The following TEX9 variants were observed in gnomAD, a reference collection of about 807,000 sequenced individuals.
The protein encoded by TEX9 is testis expressed 9, also known as testis-expressed protein 9.
In TEX9, 74 loss-of-function variants were observed where a neutral mutation model predicts 59.6. The ratio of observed to expected loss-of-function variants is 1.24; its 90% CI spans 1.03 to 1.51. The LOEUF (loss-of-function observed/expected upper bound fraction) is 1.51. Ranked by LOEUF, TEX9 falls within the 40% of genes most tolerant of loss-of-function variation. The pLI is 0.00. For missense variants in TEX9, 522 were observed against 447.8 expected, an observed-to-expected ratio of 1.17 and a Z score of -1.49; for synonymous variants, 186 against 152.2, an observed-to-expected ratio of 1.22 and a Z score of -1.64.
At chr15:56,447,588 C>T (rs2050916357), downstream of TEX9, 2 of 152,060 alleles carry the variant, frequency 1.3e-5, no homozygotes, top group African/African-American at 4.8e-5. Flanking sequence ...TACAGAAATA[C>T]AATTAATGTT....
intron 1 of TEX9, among the ~76,000 whole-genome samples, chr15:56,332,198 T>C (rs1317900416): frequency 7.0e-6 from 1 of 142,590 alleles, no homozygotes; most frequent in Non-Finnish European, 1.5e-5. Context: ...TTATTCACAA[T>C]AGCAAAGACT....
At chr15:56,443,810 T>C (rs1483011417) in intron 12 of TEX9, 3 of 1,608,868 alleles carry the variant, frequency 1.9e-6, no homozygotes, top group African/African-American at 1.3e-5. Context: ...CTCTTCTATA[T>C]ACCTTCGCAT....
At chr15:56,369,496 A>T (rs2047094709) in intron 2 of TEX9, among the ~76,000 whole-genome samples, 1 of 151,840 alleles carries the variant, frequency 6.6e-6, no homozygotes, top group Non-Finnish European at 1.5e-5. Context: ...TGCCTGGCTA[A>T]TTTTTGTATT....
chr15:56,443,733 T>C (rs2050858619), intron 12 of TEX9: 1 of 1,613,250 alleles, frequency 6.2e-7, no homozygotes, highest in African/African-American at 1.3e-5. Flanking sequence ...AACTCTATGA[T>C]TTTTCTGTTT....
chr15:56,355,552 C>T (rs1365553970), intron 1 of TEX9, among the ~76,000 whole-genome samples: 2 of 152,110 alleles, frequency 1.3e-5, no homozygotes, highest in Non-Finnish European at 2.9e-5. Context: ...AATTCTTCAA[C>T]ATTGCTATTC....
chr15:56,254,847 A>T (rs1312565468), intron 1 of TEX9, among the ~76,000 whole-genome samples: 2 of 151,564 alleles, frequency 1.3e-5, no homozygotes, highest in Non-Finnish European at 2.9e-5. Flanking sequence ...AAGATATTAC[A>T]TCCATGAAAA....
chr15:56,329,210 C>T (rs577165614), intron 1 of TEX9, among the ~76,000 whole-genome samples: 1 of 152,260 alleles, frequency 6.6e-6, no homozygotes, highest in Admixed American at 6.5e-5. Flanking sequence ...TCTAGAAGAA[C>T]CACAACATTA....
At chr15:56,248,695 T>G (rs1445341068) in intron 1 of TEX9, 2 of 152,252 alleles carry the variant, frequency 1.3e-5, no homozygotes, top group Admixed American at 6.5e-5. Context: ...AGTGTTTACT[T>G]TAACTTGGGC....
intron 1 of TEX9, among the ~76,000 whole-genome samples, chr15:56,338,642 C>T (rs1409083964): frequency 6.6e-6 from 1 of 152,140 alleles, no homozygotes; most frequent in Admixed American, 6.5e-5. Context: ...GTTGGCTGGG[C>T]GCGGTAGCTC....
At chr15:56,455,259 A>C in the TEX9 span, among the ~76,000 whole-genome samples, 6 of 151,404 alleles carry the variant, frequency 4.0e-5, no homozygotes, top group East Asian at 1.9e-4. Flanking sequence ...AAAAAAAAAA[A>C]AAAAAAAAAA....
intron 9 of TEX9, among the ~76,000 whole-genome samples, chr15:56,401,874 A>C: frequency 6.6e-6 from 1 of 152,230 alleles, no homozygotes; most frequent in Non-Finnish European, 1.5e-5. Context: ...CCTGCTCCTG[A>C]ATGACTACTG....
chr15:56,286,957 A>G (rs1294123253), intron 1 of TEX9, among the ~76,000 whole-genome samples: 1 of 152,098 alleles, frequency 6.6e-6, no homozygotes, highest in Non-Finnish European at 1.5e-5. Flanking sequence ...TCCCCTTCCT[A>G]TAGTCAGGGG....
intron 10 of TEX9, among the ~76,000 whole-genome samples, chr15:56,423,181 T>G (rs1431601251): frequency 6.6e-6 from 1 of 152,204 alleles, no homozygotes; most frequent in Non-Finnish European, 1.5e-5. Flanking sequence ...TCAGGTTGAT[T>G]TGAAATCTTC....
chr15:56,272,747 G>A (rs74247161), intron 1 of TEX9, among the ~76,000 whole-genome samples: 8,967 of 152,078 alleles, frequency 0.059, 669 homozygotes, highest in East Asian at 0.37. Flanking sequence ...TTAAAAAAAT[G>A]TATAACATAC....
In TEX9 at chr15:56,351,823, T is replaced by C. The variant is rs564551396; in HGVS notation, c.-106-21618T>C. Among the ~76,000 whole-genome samples the C allele has an allele frequency of 5.9e-5, 9 of 152,340 alleles. No homozygotes were observed. In the South Asian group the frequency reaches 1.9e-3, roughly 32 times the overall value. On this transcript the variant is annotated intron_variant, in intron 1 of 5. Transcript: ENST00000560827. The stretch of plus-strand genomic sequence containing the variant: ...TTTTTGTCATTGTGTATTTCTTTAA[T>C]TCAAAATGTTATTTCAAAGAAAGTA...
At chr15:56,321,427 A>G (rs1463072227) in intron 1 of TEX9, among the ~76,000 whole-genome samples, 1 of 152,234 alleles carries the variant, frequency 6.6e-6, no homozygotes, top group Admixed American at 6.5e-5. Flanking sequence ...TGCAGACATC[A>G]TTAGAGTAAC....
chr15:56,413,644 C>T (rs2049520333), intron 10 of TEX9, among the ~76,000 whole-genome samples: 1 of 151,654 alleles, frequency 6.6e-6, no homozygotes. Context: ...TAGAATTATA[C>T]CATATTTGTT....
chr15:56,300,466 G>T (rs1307024096), intron 1 of TEX9, among the ~76,000 whole-genome samples: 1 of 152,034 alleles, frequency 6.6e-6, no homozygotes, highest in African/African-American at 2.4e-5. Context: ...CCCATGCATG[G>T]CTGGATTTGC....
intron 7 of TEX9, 56 bp downstream of exon 7, chr15:56,391,474 G>A (rs2048207655): frequency 1.7e-6 from 2 of 1,189,754 alleles, no homozygotes; most frequent in Non-Finnish European, 2.3e-6. Flanking sequence ...CTTAGAAGAA[G>A]AAATCTTGGG....
Sources: gnomAD v4.1 joint callset for allele counts (sites outside exome capture counted in the v4.1 genomes callset) on GRCh38, gnomAD v4.1.1 for gene constraint, MANE v1.5 for transcripts, NCBI Gene and HGNC (gene_info 2026-07-23, HGNC 2026-07-21) for gene names.